Variants in EFCAB6 observed in about 807,000 individuals in gnomAD.
The protein encoded by EFCAB6 is EF-hand calcium binding domain 6.
Under a neutral mutation model 169.8 loss-of-function variants are expected in EFCAB6, and 156 were observed. The observed-to-expected ratio is 0.92, with a 90% CI of 0.81 to 1.05. The LOEUF (loss-of-function observed/expected upper bound fraction) is 1.05, where lower values mean the gene tolerates loss of function less well. EFCAB6 is among the 50% of genes least tolerant of loss of function. EFCAB6 has a pLI of 0.00. For synonymous variants in EFCAB6, 698 were observed against 676.4 expected (o/e 1.03, Z -0.50); for missense variants, 1,800 against 1,829.1 (o/e 0.98, Z 0.29).
At chr22:43,558,501 T>C (rs1286431805) in intron 26 of EFCAB6, among the ~76,000 whole-genome samples, 2 of 152,222 alleles carry the variant, frequency 1.3e-5, no homozygotes, top group African/African-American at 4.8e-5. Context: ...GTCAAGCAAG[T>C]CTATCAGCAC....
chr22:43,756,920 G>A (rs1365579638), intron 5 of EFCAB6, among the ~76,000 whole-genome samples: 2 of 152,166 alleles, frequency 1.3e-5, no homozygotes, highest in Non-Finnish European at 2.9e-5. Context: ...CAGACCCCAG[G>A]GTCAGCAGGA....
chr22:43,809,615 T>C (rs1006435072), intron 1 of EFCAB6, among the ~76,000 whole-genome samples: 2 of 152,216 alleles, frequency 1.3e-5, no homozygotes, highest in African/African-American at 4.8e-5. Flanking sequence ...GTTTTGGTTT[T>C]GTCTGTTTTG....
intron 12 of EFCAB6, among the ~76,000 whole-genome samples, chr22:43,680,209 A>AT (rs2057947697): frequency 1.3e-5 from 2 of 152,156 alleles, no homozygotes; most frequent in Admixed American, 6.5e-5. Flanking sequence ...ATTTTAACAG[A>AT]TATTTTCCTT....
At position 43,647,084 on chromosome 22, in the gene EFCAB6, A is replaced by G. The variant is rs187601769; in HGVS notation, c.1984-11868T>C. ...CACGTGGGGACAGGGGTATACGGGA[A>G]CTTTGTAGTTTCCACTAAATCTTGC... On this transcript the variant is annotated intron_variant, in intron 17 of 31. Coordinates refer to ENST00000262726, the MANE Select transcript of EFCAB6 (RefSeq NM_022785.4). 3.1e-4 allele frequency among the ~76,000 whole-genome samples: 47 copies of G among 150,576 alleles called. 2 individuals carry two copies. In the East Asian group the frequency reaches 5.3e-3, roughly 17 times the overall value.
intron 10 of EFCAB6, among the ~76,000 whole-genome samples, chr22:43,704,319 A>G (rs1175943594): frequency 2.6e-5 from 4 of 152,172 alleles, no homozygotes; most frequent in South Asian, 4.2e-4. Context: ...GACATACAAA[A>G]GCTAAGAGAA....
intron 3 of EFCAB6, among the ~76,000 whole-genome samples, chr22:43,774,245 A>G (rs2061567258): frequency 6.6e-6 from 1 of 151,580 alleles, no homozygotes; most frequent in Admixed American, 6.6e-5. Context: ...AAAAGATGCC[A>G]AAGATCTCGG....
At chr22:43,793,099 A>G (rs560789280) in intron 2 of EFCAB6, among the ~76,000 whole-genome samples, 11 of 152,234 alleles carry the variant, frequency 7.2e-5, no homozygotes, top group African/African-American at 2.6e-4. Flanking sequence ...TAAGATAATC[A>G]CCCGGAAATG....
intron 30 of EFCAB6, among the ~76,000 whole-genome samples, chr22:43,532,425 CTG>C (rs2047129618): frequency 6.6e-6 from 1 of 152,242 alleles, no homozygotes; most frequent in Non-Finnish European, 1.5e-5. Context: ...GAAGGAGAAA[CTG>C]AGGCCCAGGG....
chr22:43,711,663 T>C, intron 9 of EFCAB6, 40 bp from the exon 10 acceptor site: 1 of 1,564,560 alleles, frequency 6.4e-7, no homozygotes, highest in Non-Finnish European at 8.6e-7. Context: ...TTCATAAATA[T>C]CAACTTCATG....
Position 43,711,640 on chromosome 22 carries a change from T to C in EFCAB6, c.883-17A>G. ...CTTCGAAAGCTGCAATAAATTGAAA[T>C]TAGAGTGTGGCGTTCATAAATATCA... On this transcript the variant is annotated splice_polypyrimidine_tract_variant and intron_variant, in intron 9 of 31. Coordinates refer to ENST00000262726, the MANE Select transcript of EFCAB6 (RefSeq NM_022785.4). 6.3e-7 allele frequency: 1 copy of C among 1,575,088 alleles called. No individual in the cohort carries two copies.
At chr22:43,713,845 C>A (rs1424526040) in intron 9 of EFCAB6, among the ~76,000 whole-genome samples, 1 of 152,100 alleles carries the variant, frequency 6.6e-6, no homozygotes, top group East Asian at 1.9e-4. Flanking sequence ...TCATCTTGAG[C>A]ACAAACAGGA....
intron 8 of EFCAB6, among the ~76,000 whole-genome samples, chr22:43,725,624 A>C (rs1197847113): frequency 6.6e-6 from 1 of 152,246 alleles, no homozygotes; most frequent in Admixed American, 6.5e-5. Flanking sequence ...CAACCCAGAA[A>C]GAATATGCTG....
chr22:43,616,799 T>C (rs2053721486), intron 20 of EFCAB6, among the ~76,000 whole-genome samples: 1 of 152,206 alleles, frequency 6.6e-6, no homozygotes, highest in African/African-American at 2.4e-5. Flanking sequence ...GGGGCTGGGA[T>C]GCCCTAGATC....
chr22:43,802,641 C>G, intron 2 of EFCAB6: 2 of 487,108 alleles, frequency 4.1e-6, no homozygotes, highest in South Asian at 3.1e-5. Context: ...AGGGCCCCTA[C>G]AAAGAAGAGA....
chr22:43,670,378 T>C lies in EFCAB6; in HGVS notation c.1641-1333A>G, dbSNP rs5763960. Reference sequence around the variant, plus strand: ...CTGAGAACCACTGACCCAGGGCACATTCCCTACCTTTGCTCTGCCTCAGTT... The same window carrying C: ...CTGAGAACCACTGACCCAGGGCACACTCCCTACCTTTGCTCTGCCTCAGTT... On this transcript the variant is annotated intron_variant, in intron 15 of 31. Coordinates refer to ENST00000262726, the MANE Select transcript of EFCAB6 (RefSeq NM_022785.4). 8.1e-4 allele frequency among the ~76,000 whole-genome samples: 123 copies of C among 152,324 alleles called. 2 individuals are homozygous for C. In the East Asian group the frequency reaches 0.02, roughly 25 times the overall value.
At chr22:43,739,308 G>T (rs979113405) in intron 6 of EFCAB6, among the ~76,000 whole-genome samples, 1 of 152,146 alleles carries the variant, frequency 6.6e-6, no homozygotes, top group Non-Finnish European at 1.5e-5. Context: ...AGGCACTTTT[G>T]CTACTTAGCT....
chr22:43,581,461 G>T (rs1020551616), intron 24 of EFCAB6, among the ~76,000 whole-genome samples: 1 of 152,192 alleles, frequency 6.6e-6, no homozygotes, highest in Non-Finnish European at 1.5e-5. Context: ...TGACACAGAA[G>T]AAATTACCTA....
chr22:43,626,479 C>T lies in EFCAB6; in HGVS notation c.2433G>A (p.Trp811Ter). 3 of 1,614,206 alleles carry T rather than the reference C, an allele frequency of 1.9e-6. No homozygotes were observed. Among genetic ancestry groups the T allele is most frequent in the Non-Finnish European group, 2.5e-6 (3 of 1,180,042 alleles). The stretch of plus-strand genomic sequence containing the variant: ...GTCTTTGAGGCGCTTCATCTGTTCT[C>T]CATGGTCTCTTCTCACACAAATTTT... ...EFQNLCEKRP[W>*]RTDEAPQRLI... Residue 811 changes from tryptophan to a stop codon, truncating the protein, a stop_gained, in exon 20 of 32, where the codon TGG becomes TGA. Coordinates refer to ENST00000262726, the MANE Select transcript of EFCAB6 (RefSeq NM_022785.4). LOFTEE classifies it high-confidence loss of function.
At chr22:43,783,374 A>T (rs1462471188) in intron 2 of EFCAB6, among the ~76,000 whole-genome samples, 1 of 152,208 alleles carries the variant, frequency 6.6e-6, no homozygotes, top group Non-Finnish European at 1.5e-5. Flanking sequence ...AGCTAGAACC[A>T]TTCCCAGGGA....
Sources: gnomAD v4.1 joint callset for allele counts (sites outside exome capture counted in the v4.1 genomes callset) on GRCh38, gnomAD v4.1.1 for gene constraint, MANE v1.5 for transcripts, NCBI Gene and HGNC (gene_info 2026-07-23, HGNC 2026-07-21) for gene names.